Variants in ANKS1B observed in about 807,000 individuals in gnomAD.
The protein encoded by ANKS1B is ankyrin repeat and sterile alpha motif domain containing 1B.
ANKS1B carries 36 observed loss-of-function variants against 148.3 expected under a neutral mutation model. The ratio of observed to expected loss-of-function variants is 0.24; its 90% CI spans 0.19 to 0.32. The LOEUF (loss-of-function observed/expected upper bound fraction) is 0.32, where lower values mean the gene tolerates loss of function less well. Ranked by LOEUF, ANKS1B falls within the 10% of genes least tolerant of loss-of-function variation. The probability of loss-of-function intolerance (pLI) is 1.00; values close to 1 mark genes in which losing one functional copy is unlikely to be tolerated. For synonymous variants in ANKS1B, 542 were observed against 560.8 expected, an observed-to-expected ratio of 0.97 and a Z score of 0.47; for missense variants, 1,157 against 1,542.6, an observed-to-expected ratio of 0.75 and a Z score of 4.19.
At chr12:99,660,000 G>A (rs1200820754) in intron 8 of ANKS1B, among the ~76,000 whole-genome samples, 2 of 152,182 alleles carry the variant, frequency 1.3e-5, no homozygotes, top group Non-Finnish European at 2.9e-5. Context: ...CAGGAAAGAG[G>A]CAATATCAGA....
At chr12:99,804,216 CA>C (rs1216515848) in intron 4 of ANKS1B, among the ~76,000 whole-genome samples, 2 of 152,128 alleles carry the variant, frequency 1.3e-5, no homozygotes, top group African/African-American at 2.4e-5. Flanking sequence ...GAAAGCAGTA[CA>C]TCCAGATTAG....
At chr12:99,733,542 T>G (rs943035851) in intron 8 of ANKS1B, among the ~76,000 whole-genome samples, 15 of 152,196 alleles carry the variant, frequency 9.9e-5, no homozygotes, top group African/African-American at 3.6e-4. Context: ...TTACATATAT[T>G]ACCCATTTAA....
At chr12:98,974,570 A>C (rs560833238) in intron 17 of ANKS1B, among the ~76,000 whole-genome samples, 1 of 152,144 alleles carries the variant, frequency 6.6e-6, no homozygotes, top group South Asian at 2.1e-4. Context: ...TAAAAAGGTA[A>C]ACTTTTTAAA....
chr12:99,738,830 A>G (rs1045871308), intron 8 of ANKS1B, among the ~76,000 whole-genome samples: 2 of 152,152 alleles, frequency 1.3e-5, no homozygotes, highest in African/African-American at 4.8e-5. Context: ...ATATGCTCAC[A>G]TTTGGAGATG....
At chr12:99,445,620 A>G (rs1299770505) in intron 10 of ANKS1B, among the ~76,000 whole-genome samples, 1 of 152,036 alleles carries the variant, frequency 6.6e-6, no homozygotes, top group Non-Finnish European at 1.5e-5. Flanking sequence ...GAACTTTGTA[A>G]TTTCTGCTCA....
chr12:98,889,127 A>C (rs996412379), intron 17 of ANKS1B, among the ~76,000 whole-genome samples: 1 of 152,222 alleles, frequency 6.6e-6, no homozygotes, highest in African/African-American at 2.4e-5. Flanking sequence ...TTCAATATCA[A>C]GCCTAGCTCA....
chr12:99,496,907 C>G (rs1429475248), intron 10 of ANKS1B, among the ~76,000 whole-genome samples: 4 of 152,150 alleles, frequency 2.6e-5, no homozygotes, highest in African/African-American at 9.7e-5. Flanking sequence ...GAAATGAAAG[C>G]CAGGCAGGTT....
At chr12:99,977,007 A>G (rs1471535470) in intron 1 of ANKS1B, among the ~76,000 whole-genome samples, 1 of 152,208 alleles carries the variant, frequency 6.6e-6, no homozygotes, top group Non-Finnish European at 1.5e-5. Flanking sequence ...TGGGCAACAG[A>G]AAGAGGAAAT....
intron 10 of ANKS1B, among the ~76,000 whole-genome samples, chr12:99,486,424 T>C (rs2096489214): frequency 6.6e-6 from 1 of 152,078 alleles, no homozygotes; most frequent in African/African-American, 2.4e-5. Context: ...AGAGGTCTCT[T>C]GATGCTTATC....
intron 10 of ANKS1B, among the ~76,000 whole-genome samples, chr12:99,469,536 T>C (rs78981121): frequency 0.038 from 5,754 of 152,220 alleles, 384 homozygotes; most frequent in African/African-American, 0.13. Context: ...TGTCTTTATA[T>C]CACCATTACA....
chr12:99,128,757 G>A (rs563286705), intron 15 of ANKS1B, among the ~76,000 whole-genome samples: 1 of 152,288 alleles, frequency 6.6e-6, no homozygotes, highest in South Asian at 2.1e-4. Context: ...GTCACTGTTT[G>A]TGGTAGAAAG....
intron 25 of ANKS1B, among the ~76,000 whole-genome samples, chr12:98,757,054 A>G (rs1178020191): frequency 1.2e-4 from 15 of 120,066 alleles, no homozygotes; most frequent in Non-Finnish European, 2.7e-4. Context: ...AAAAAAAAGG[A>G]AAAAAAAAAA....
chr12:99,946,318 G>T (rs181557444), intron 1 of ANKS1B, among the ~76,000 whole-genome samples: 1 of 152,188 alleles, frequency 6.6e-6, no homozygotes, highest in Admixed American at 6.5e-5. Flanking sequence ...CCATAGACTG[G>T]GTGGATTATT....
intron 8 of ANKS1B, among the ~76,000 whole-genome samples, chr12:99,667,996 A>T (rs1157489578): frequency 6.6e-6 from 1 of 152,154 alleles, no homozygotes; most frequent in Non-Finnish European, 1.5e-5. Context: ...ATTGATCTAT[A>T]GTTTTCCATT....
At chr12:99,205,102 C>T (rs2082491115) in intron 14 of ANKS1B, among the ~76,000 whole-genome samples, 1 of 152,168 alleles carries the variant, frequency 6.6e-6, no homozygotes, top group South Asian at 2.1e-4. Flanking sequence ...GTCACTCATG[C>T]TAAAGTTCCA....
Position 98,829,430 on chromosome 12 carries a change from A to C in ANKS1B, c.2887-77T>G. The C allele has an allele frequency of 1.0e-5, 15 of 1,453,882 alleles. No homozygotes were observed. The highest frequency in any genetic ancestry group is 1.1e-5 in the Non-Finnish European group (12 of 1,068,272). 90.1% of individuals were successfully genotyped at this position (1,453,882 alleles called of 1,614,324 possible). The stretch of plus-strand genomic sequence containing the variant: ...GGTTTCAAAATTGTGAAATACTGAC[A>C]AGACAAACTGTGGGGGTGGGGAGTC... On this transcript the variant is annotated intron_variant, in intron 18 of 26. Coordinates refer to ENST00000683438, the MANE Select transcript of ANKS1B (RefSeq NM_001352186.2). This position sits in a 1 kb window ranked among gnomAD's most constrained non-coding sequence, Gnocchi z 5.2.
intron 17 of ANKS1B, among the ~76,000 whole-genome samples, chr12:99,039,912 C>G (rs2099957867): frequency 6.6e-6 from 1 of 152,180 alleles, no homozygotes; most frequent in African/African-American, 2.4e-5. Flanking sequence ...TCAGATCAGA[C>G]TAGTTCACAG....
chr12:99,343,927 G>T (rs983703405), intron 12 of ANKS1B: 1 of 151,982 alleles, frequency 6.6e-6, no homozygotes, highest in African/African-American at 2.4e-5. Context: ...GAAATTTCCT[G>T]GAGCATATAG....
At position 99,727,564 on chromosome 12, in the gene ANKS1B, C is replaced by T. The variant is rs149980039; in HGVS notation, c.1128+45358G>A. On this transcript the variant is annotated intron_variant, in intron 8 of 26. Transcript: ENST00000683438. ...AATGTTGTGAAAATGGCCATTCTGCCCAAAGTAATTTATAGATTCAATGCT... is the reference window on the plus strand; with the variant it reads ...AATGTTGTGAAAATGGCCATTCTGCTCAAAGTAATTTATAGATTCAATGCT... Among the ~76,000 whole-genome samples the T allele has an allele frequency of 8.2e-3, 1,244 of 152,198 alleles. 19 individuals carry two copies. The highest frequency in any genetic ancestry group is 0.028 in the African/African-American group (1,183 of 41,510).
Sources: gnomAD v4.1 joint callset for allele counts (sites outside exome capture counted in the v4.1 genomes callset) on GRCh38, gnomAD v4.1.1 for gene constraint, Gnocchi (gnomAD v3.1) non-coding constraint, MANE v1.5 for transcripts, NCBI Gene and HGNC (gene_info 2026-07-23, HGNC 2026-07-21) for gene names.